Variants in ELOC observed in about 807,000 individuals in gnomAD.
ELOC encodes the protein elongin-C.
For missense variants in ELOC, 38 were observed against 139.0 expected, an observed-to-expected ratio of 0.27 and a Z score of 3.65; for synonymous variants, 40 against 51.3, an observed-to-expected ratio of 0.78 and a Z score of 0.94.
At chr8:73,950,256 C>T (rs1371385055) in intron 3 of ELOC, among the ~76,000 whole-genome samples, 1 of 152,054 alleles carries the variant, frequency 6.6e-6, no homozygotes. Context: ...AAAAATGAAG[C>T]AAATGGAACA....
intron 1 of ELOC, among the ~76,000 whole-genome samples, chr8:73,960,718 C>A (rs1454119588): frequency 7.2e-5 from 11 of 152,176 alleles, no homozygotes; most frequent in Admixed American, 1.3e-4. Flanking sequence ...ACAGCAAGTT[C>A]TGGATCTTGT....
intron 1 of ELOC, among the ~76,000 whole-genome samples, chr8:73,967,037 CAG>C (rs1212690655): frequency 3.3e-5 from 5 of 152,176 alleles, no homozygotes; most frequent in African/African-American, 1.2e-4. Flanking sequence ...ATCTACCTCA[CAG>C]AGCTGTTCTG....
intron 1 of ELOC, among the ~76,000 whole-genome samples, chr8:73,966,006 G>A (rs1352268928): frequency 6.6e-6 from 1 of 152,182 alleles, no homozygotes; most frequent in Non-Finnish European, 1.5e-5. Flanking sequence ...AAACTGGAAA[G>A]GAGGGAGATC....
At chr8:73,967,653 G>A (rs1463298209) in intron 1 of ELOC, among the ~76,000 whole-genome samples, 6 of 151,938 alleles carry the variant, frequency 3.9e-5, no homozygotes, top group African/African-American at 1.5e-4. Context: ...ATTTTTAGTG[G>A]AGACAGGGTT....
chr8:73,952,819 T>C (rs902613585), intron 3 of ELOC, among the ~76,000 whole-genome samples: 5 of 149,494 alleles, frequency 3.3e-5, no homozygotes, highest in African/African-American at 1.2e-4. Flanking sequence ...TAGCAAATCA[T>C]GTATCTGATA....
intron 1 of ELOC, among the ~76,000 whole-genome samples, chr8:73,964,252 A>G (rs1379491703): frequency 1.3e-5 from 2 of 151,132 alleles, no homozygotes; most frequent in Non-Finnish European, 3.0e-5. Context: ...TGGCCAAAAA[A>G]AAAAAAAAAA....
rs1162694252 is a variant in ELOC, at chr8:73,946,215, T to C, written c.*415A>G. 1 of 154,874 alleles carries C rather than the reference T, an allele frequency of 6.5e-6. No individual in the cohort carries two copies. The highest frequency in any genetic ancestry group is 1.4e-5 in the Non-Finnish European group (1 of 69,834). 9.6% of individuals were successfully genotyped at this position (154,874 alleles called of 1,614,324 possible). A position where few individuals can be genotyped will look rare whatever the true frequency, so the allele number is the denominator to read the frequency against. On this transcript the variant is annotated 3_prime_UTR_variant, in exon 4 of 4. Transcript: ENST00000520242. ...CATGTTTATAATGCAATTATTTGCA[T>C]AACTCTAGTAATGCTAATGGCGGCT...
In ELOC at chr8:73,946,600, G is replaced by T; in HGVS notation, c.*30C>A. On this transcript the variant is annotated 3_prime_UTR_variant, in exon 4 of 4. Coordinates refer to ENST00000520242, the MANE Select transcript of ELOC (RefSeq NM_005648.4). Reference sequence around the variant, plus strand: ...AACTACAGGTATTAAATACTGAAAAGAGTTAACAGTTTATTATAATTTATT... The same window carrying T: ...AACTACAGGTATTAAATACTGAAAATAGTTAACAGTTTATTATAATTTATT... The T allele has an allele frequency of 1.3e-6, 2 of 1,494,802 alleles. No homozygotes were observed. The highest frequency in any genetic ancestry group is 1.8e-6 in the Non-Finnish European group (2 of 1,113,512). The allele number at this position is 1,494,802 out of a possible 1,614,324, so 92.6% of individuals were successfully genotyped here.
intron 2 of ELOC, among the ~76,000 whole-genome samples, chr8:73,957,120 C>T (rs1814242966): frequency 6.6e-6 from 1 of 151,578 alleles, no homozygotes; most frequent in South Asian, 2.1e-4. Context: ...TTGCAGTGAG[C>T]CGAGACTGCG....
chr8:73,968,415 C>A (rs1272517056), intron 1 of ELOC, among the ~76,000 whole-genome samples: 1 of 152,214 alleles, frequency 6.6e-6, no homozygotes, highest in African/African-American at 2.4e-5. Context: ...TGCCTCACCC[C>A]TGCAAACGAC....
chr8:73,959,470 C>T (rs567286203), intron 2 of ELOC, among the ~76,000 whole-genome samples: 38 of 152,190 alleles, frequency 2.5e-4, no homozygotes, highest in African/African-American at 3.1e-4. Context: ...AACTAAGATA[C>T]AATCACACAT....
intron 1 of ELOC, among the ~76,000 whole-genome samples, chr8:73,963,436 T>C (rs1231671848): frequency 6.6e-6 from 1 of 152,222 alleles, no homozygotes; most frequent in Non-Finnish European, 1.5e-5. Context: ...CCATTATGAA[T>C]GGGGTCTGTT....
intron 1 of ELOC, chr8:73,969,684 T>C (rs1815227398): frequency 6.6e-6 from 1 of 152,226 alleles, no homozygotes; most frequent in African/African-American, 2.4e-5. Flanking sequence ...CTACCAAAAT[T>C]AGACACCCCA....
chr8:73,956,964 G>C (rs1563678243), intron 2 of ELOC, among the ~76,000 whole-genome samples: 1 of 152,032 alleles, frequency 6.6e-6, no homozygotes, highest in Non-Finnish European at 1.5e-5. Context: ...ACACAGTGGA[G>C]ATCGAGACCA....
intron 2 of ELOC, among the ~76,000 whole-genome samples, chr8:73,957,164 C>A (rs112727760): frequency 4.5e-4 from 63 of 139,918 alleles, no homozygotes; most frequent in African/African-American, 1.6e-3. Context: ...CAGAGAAAGA[C>A]CCTGTCTCAA....
At chr8:73,966,641 CTTTTTTT>C (rs75407672) in intron 1 of ELOC, among the ~76,000 whole-genome samples, 1 of 137,870 alleles carries the variant, frequency 7.3e-6, no homozygotes, top group African/African-American at 2.7e-5. Context: ...GCTAAAATTT[CTTTTTTT>C]TTTTTTTTTA....
chr8:73,959,593 G>T (rs1814453187), intron 2 of ELOC, among the ~76,000 whole-genome samples, 172 bp downstream of exon 2: 1 of 152,084 alleles, frequency 6.6e-6, no homozygotes, highest in Non-Finnish European at 1.5e-5. Context: ...GTCCAACACT[G>T]ACCGAAAAAT....
At chr8:73,970,526 G>A (rs1468850942) in intron 1 of ELOC, 1 of 151,880 alleles carries the variant, frequency 6.6e-6, no homozygotes, top group Non-Finnish European at 1.5e-5. Context: ...TATTAAACAG[G>A]GACCCCAAAT....
chr8:73,971,115 G>A (rs951058971), intron 1 of ELOC, among the ~76,000 whole-genome samples: 70 of 144,506 alleles, frequency 4.8e-4, no homozygotes, highest in South Asian at 1.8e-3. Flanking sequence ...AGACACTAAA[G>A]AATTTCAAGG....
Sources: allele counts gnomAD v4.1 joint callset (sites outside exome capture counted in the v4.1 genomes callset), GRCh38; gene constraint gnomAD v4.1.1; transcripts MANE v1.5; gene names NCBI Gene and HGNC (gene_info 2026-07-23, HGNC 2026-07-21).